Variants in CFAP77 observed in about 807,000 individuals in gnomAD.
CFAP77 encodes the protein cilia and flagella associated protein 77.
A neutral mutation model predicts 31.1 loss-of-function variants in CFAP77; 25 were observed. The observed-to-expected ratio is 0.80, with a 90% CI of 0.59 to 1.12. The LOEUF is 1.12. Ranked by LOEUF, CFAP77 falls within the 50% of genes most tolerant of loss-of-function variation. The pLI is 0.00. For missense variants in CFAP77, 377 were observed against 397.3 expected (o/e 0.95, Z 0.44); for synonymous variants, 151 against 159.9 (o/e 0.94, Z 0.42).
chr9:132,437,760 C>T (rs1374973000), intron 1 of CFAP77, among the ~76,000 whole-genome samples: 2 of 151,374 alleles, frequency 1.3e-5, no homozygotes, highest in Non-Finnish European at 2.9e-5. Flanking sequence ...ATCTGCCCGT[C>T]TTGGGCTCCC....
At position 132,499,247 on chromosome 9, in the gene CFAP77, A is replaced by T. The variant is rs1054525107; in HGVS notation, c.296-125A>T. On this transcript the variant is annotated intron_variant, in intron 2 of 5. Coordinates refer to ENST00000393216, the MANE Select transcript of CFAP77 (RefSeq NM_001282957.2). The surrounding 1 kb of genome is among the most constrained non-coding windows in gnomAD (Gnocchi z 5.4). ...TTTCTGGGGGCCAGGCAGGGTTGTC[A>T]CCCAGTAGGCTCAGGTAAATGGGAA... The T allele has an allele frequency of 1.2e-6, 1 of 808,002 alleles. No individual in the cohort carries two copies. The highest frequency in any genetic ancestry group is 1.7e-5 in the African/African-American group (1 of 57,942). The allele number at this position is 808,002 out of a possible 1,614,324, so 50.1% of individuals were successfully genotyped here. A position where few individuals can be genotyped will look rare whatever the true frequency, so the allele number is the denominator to read the frequency against.
At chr9:132,559,987 C>A (rs1020321157) in intron 5 of CFAP77, among the ~76,000 whole-genome samples, 6 of 152,108 alleles carry the variant, frequency 3.9e-5, no homozygotes, top group Admixed American at 3.3e-4. Flanking sequence ...GAAAGCCACA[C>A]CAACAGGAAA....
At chr9:132,514,513 T>TG (rs1852109444) in intron 3 of CFAP77, among the ~76,000 whole-genome samples, 1 of 152,172 alleles carries the variant, frequency 6.6e-6, no homozygotes, top group African/African-American at 2.4e-5. Flanking sequence ...AGGATCCCCC[T>TG]GCCCAGTCGG....
chr9:132,437,745 T>A (rs1451588670), intron 1 of CFAP77, among the ~76,000 whole-genome samples: 1 of 151,334 alleles, frequency 6.6e-6, no homozygotes, highest in Non-Finnish European at 1.5e-5. Flanking sequence ...TCTCCTGACT[T>A]CGTGATCTGC....
At chr9:132,548,731 T>TC (rs913381077) in intron 5 of CFAP77, among the ~76,000 whole-genome samples, 2 of 15,000 alleles carry the variant, frequency 1.3e-4, no homozygotes, top group African/African-American at 5.3e-4. Context: ...CATCCGCCCC[T>TC]CCCCCCACAG....
At chr9:132,476,900 C>T (rs961284871) in intron 1 of CFAP77, among the ~76,000 whole-genome samples, 114 of 152,298 alleles carry the variant, frequency 7.5e-4, no homozygotes, top group African/African-American at 2.6e-3. Flanking sequence ...TTTCTGCTGC[C>T]TTCAGCCACC....
chr9:132,546,661 G>A (rs1852736764), intron 5 of CFAP77, among the ~76,000 whole-genome samples: 1 of 152,246 alleles, frequency 6.6e-6, no homozygotes, highest in Non-Finnish European at 1.5e-5. Flanking sequence ...AGGGACCAAA[G>A]AGGGAAGAGG....
intron 1 of CFAP77, among the ~76,000 whole-genome samples, chr9:132,450,670 A>G (rs1000807838): frequency 6.6e-6 from 1 of 152,180 alleles, no homozygotes; most frequent in Non-Finnish European, 1.5e-5. Flanking sequence ...ACGGCACCAC[A>G]CTGCCCACCA....
At chr9:132,536,979 G>C (rs1403285366) in intron 3 of CFAP77, among the ~76,000 whole-genome samples, 1 of 152,142 alleles carries the variant, frequency 6.6e-6, no homozygotes, top group Non-Finnish European at 1.5e-5. Flanking sequence ...TTGTCAAAGG[G>C]AACCAGAGCC....
rs1390959542 is a variant in CFAP77, at chr9:132,480,850, G to A, written c.196-17845G>A. Among the ~76,000 whole-genome samples the A allele has an allele frequency of 7.2e-5, 11 of 152,102 alleles. 1 individual carries two copies. The highest frequency in any genetic ancestry group is 6.5e-4 in the Admixed American group (10 of 15,274). Reference sequence around the variant, plus strand: ...CGAAAGAAGGCCCAGGGCAGAAAGCGGACGGTGAGCGAGAGGGCATAAGAT... The same window carrying A: ...CGAAAGAAGGCCCAGGGCAGAAAGCAGACGGTGAGCGAGAGGGCATAAGAT... On this transcript the variant is annotated intron_variant, in intron 1 of 5. Coordinates refer to ENST00000393216, the MANE Select transcript of CFAP77 (RefSeq NM_001282957.2). The surrounding 1 kb of genome is among the most constrained non-coding windows in gnomAD (Gnocchi z 5.8).
At chr9:132,473,824 C>T (rs1476058491) in intron 1 of CFAP77, among the ~76,000 whole-genome samples, 6 of 152,236 alleles carry the variant, frequency 3.9e-5, no homozygotes, top group African/African-American at 7.2e-5. Flanking sequence ...GCTGGGATTA[C>T]AGGCGTGCAC....
intron 3 of CFAP77, among the ~76,000 whole-genome samples, chr9:132,536,365 G>A (rs1170172860): frequency 2.0e-5 from 3 of 151,202 alleles, no homozygotes; most frequent in Non-Finnish European, 4.4e-5. Flanking sequence ...TCCTGGCCTA[G>A]CTGCTGCAGA....
chr9:132,563,189 T>G (rs1218302469), intron 5 of CFAP77, among the ~76,000 whole-genome samples: 1 of 151,348 alleles, frequency 6.6e-6, no homozygotes, highest in African/African-American at 2.4e-5. Context: ...CTGCTAAAAT[T>G]TTTTCTGTAG....
rs182921879 is a variant in CFAP77, at chr9:132,469,925, C to T, written c.196-28770C>T. 4.4e-3 allele frequency among the ~76,000 whole-genome samples: 671 copies of T among 151,078 alleles called. 11 individuals carry two copies. Among genetic ancestry groups the T allele is most frequent in the East Asian group, 2.3e-3 (12 of 5,158 alleles). On this transcript the variant is annotated intron_variant, in intron 1 of 5. Transcript: ENST00000393216. ...TGTGATCACGGCTCACCACAACCTC[C>T]GCCTCGTGGGTTCAAGCGATTCTCC...
At chr9:132,559,959 T>C (rs192257604) in intron 5 of CFAP77, among the ~76,000 whole-genome samples, 4 of 152,328 alleles carry the variant, frequency 2.6e-5, no homozygotes, top group Admixed American at 6.5e-5. Context: ...TCCATTTATA[T>C]GAAGAGTCCA....
At chr9:132,437,884 T>C (rs1325812030) in intron 1 of CFAP77, among the ~76,000 whole-genome samples, 1 of 151,214 alleles carries the variant, frequency 6.6e-6, no homozygotes, top group Admixed American at 6.6e-5. Context: ...ATAGCTGTAA[T>C]AGATATAAAT....
intron 1 of CFAP77, among the ~76,000 whole-genome samples, chr9:132,414,813 C>T (rs779356432): frequency 3.9e-4 from 59 of 152,216 alleles, no homozygotes; most frequent in Non-Finnish European, 1.6e-4. Flanking sequence ...GGATCATTAT[C>T]ATTATCATCA....
chr9:132,553,896 G>A (rs896849374), intron 5 of CFAP77, among the ~76,000 whole-genome samples: 2 of 152,192 alleles, frequency 1.3e-5, no homozygotes, highest in Admixed American at 6.5e-5. Context: ...AAGAACCTCC[G>A]TGAAAATTCC....
rs1412233281 is a variant in CFAP77, at chr9:132,572,673, C to A, written c.*163C>A. 7 of 728,650 alleles carry A rather than the reference C, an allele frequency of 9.6e-6. No individual in the cohort carries two copies. In the African/African-American group the frequency reaches 1.1e-4, roughly 11 times the overall value. The allele number at this position is 728,650 out of a possible 1,614,324, so 45.1% of individuals were successfully genotyped here. Reference sequence around the variant, plus strand: ...GCTAATTGTTTTTGGTAAAAGTCCCCCCTTTTAGGTTAGCCAACATTAGTC... The same window carrying A: ...GCTAATTGTTTTTGGTAAAAGTCCCACCTTTTAGGTTAGCCAACATTAGTC... On this transcript the variant is annotated 3_prime_UTR_variant, in exon 6 of 6. Coordinates refer to ENST00000393216, the MANE Select transcript of CFAP77 (RefSeq NM_001282957.2).
Sources: gnomAD v4.1 joint callset for allele counts (sites outside exome capture counted in the v4.1 genomes callset) on GRCh38, gnomAD v4.1.1 for gene constraint, Gnocchi (gnomAD v3.1) non-coding constraint, MANE v1.5 for transcripts, NCBI Gene and HGNC (gene_info 2026-07-23, HGNC 2026-07-21) for gene names.